MSI2: variants seen among roughly 807,000 people sequenced by gnomAD.
The protein encoded by MSI2 is musashi RNA binding protein 2, also known as RNA-binding protein Musashi homolog 2.
Under a neutral mutation model 45.6 loss-of-function variants are expected in MSI2, and 17 were observed. The observed-to-expected ratio is 0.37, with a 90% CI of 0.26 to 0.56. MSI2 has a LOEUF of 0.56. Ranked by LOEUF, MSI2 falls within the 20% of genes least tolerant of loss-of-function variation. The probability of loss-of-function intolerance (pLI) is 0.77; values close to 1 mark genes in which losing one functional copy is unlikely to be tolerated. For synonymous variants in MSI2, 156 were observed against 158.2 expected (o/e 0.99, Z 0.11); for missense variants, 293 against 444.2 (o/e 0.66, Z 3.06).
chr17:57,382,712 C>T (rs1425071842), intron 5 of MSI2, among the ~76,000 whole-genome samples: 8 of 152,190 alleles, frequency 5.3e-5, no homozygotes. Flanking sequence ...GACAGTGGTC[C>T]CAGTTATTAC....
At chr17:57,525,367 C>T (rs989296223) in intron 6 of MSI2, among the ~76,000 whole-genome samples, 4 of 152,162 alleles carry the variant, frequency 2.6e-5, no homozygotes, top group Non-Finnish European at 5.9e-5. Context: ...TCACTACAGC[C>T]TCAACCTCCC....
chr17:57,522,020 C>G (rs763720761), intron 6 of MSI2, among the ~76,000 whole-genome samples: 1 of 152,304 alleles, frequency 6.6e-6, no homozygotes, highest in Non-Finnish European at 1.5e-5. Context: ...ACGGAAGGAA[C>G]CGATTTGGGT....
chr17:57,302,826 C>A (rs2143548862), intron 5 of MSI2, among the ~76,000 whole-genome samples: 1 of 152,308 alleles, frequency 6.6e-6, no homozygotes, highest in Non-Finnish European at 1.5e-5. Context: ...AATGGGACTT[C>A]AGGCAGAGTC....
intron 6 of MSI2, among the ~76,000 whole-genome samples, chr17:57,465,177 A>G (rs1461868071): frequency 1.3e-5 from 2 of 152,184 alleles, no homozygotes; most frequent in Non-Finnish European, 2.9e-5. Context: ...AAATTAAAGC[A>G]CAGGCCGGGT....
chr17:57,439,175 C>T (rs1213803254), intron 6 of MSI2, among the ~76,000 whole-genome samples: 1 of 152,166 alleles, frequency 6.6e-6, no homozygotes, highest in African/African-American at 2.4e-5. Context: ...ATTTAAGGCA[C>T]ATTTCTCCGT....
intron 5 of MSI2, among the ~76,000 whole-genome samples, chr17:57,313,408 C>A (rs1156725947): frequency 2.6e-5 from 4 of 152,200 alleles, no homozygotes; most frequent in African/African-American, 4.8e-5. Context: ...CTTTCCCTTC[C>A]TGGTTTTGAA....
chr17:57,466,557 C>T lies in MSI2; in HGVS notation c.406-63119C>T, dbSNP rs139915234. 3.5e-3 allele frequency among the ~76,000 whole-genome samples: 537 copies of T among 152,242 alleles called. 3 individuals are homozygous for T. Among genetic ancestry groups the T allele is most frequent in the Non-Finnish European group, 6.5e-3 (440 of 68,024 alleles). ...TTTTTTCCTCTCTCCCTCCCCCTGC[C>T]ACCCACCCCACCATAAAATATAATC... On this transcript the variant is annotated intron_variant, in intron 6 of 13. Transcript: ENST00000284073.
At chr17:57,632,623 G>T in intron 10 of MSI2, 1 of 1,066,142 alleles carries the variant, frequency 9.4e-7, no homozygotes, top group East Asian at 5.0e-5. Context: ...CCATCTCAAG[G>T]TTGGCACTCC....
intron 5 of MSI2, among the ~76,000 whole-genome samples, chr17:57,397,139 C>T (rs1170108889): frequency 6.6e-6 from 1 of 152,116 alleles, no homozygotes; most frequent in Non-Finnish European, 1.5e-5. Flanking sequence ...CTTCCCTGTA[C>T]CCTGTATGGG....
intron 13 of MSI2, 101 bp downstream of exon 13, chr17:57,677,160 C>G (rs940253761): frequency 2.1e-5 from 17 of 808,270 alleles, no homozygotes; most frequent in Admixed American, 5.5e-5. Flanking sequence ...TCATCACATC[C>G]ACATCTCTCT....
chr17:57,571,129 C>T (rs752590957), intron 7 of MSI2, among the ~76,000 whole-genome samples: 1 of 152,226 alleles, frequency 6.6e-6, no homozygotes, highest in Middle Eastern at 3.2e-3. Context: ...AGTTTCATTT[C>T]TGGAGCTGTG....
At position 57,616,042 on chromosome 17, in the gene MSI2, C is replaced by T. The variant is rs1345769429; in HGVS notation, c.610C>T (p.Pro204Ser). 1.2e-6 allele frequency: 2 copies of T among 1,614,022 alleles called. No homozygotes were observed. The highest frequency in any genetic ancestry group is 2.2e-5 in the East Asian group (1 of 44,884). Residue 204 changes from proline to serine, a missense_variant, in exon 9 of 14, where the codon CCT becomes TCT. Pro to Ser is a moderately conservative substitution (Grantham distance 74, BLOSUM62 -1). Coordinates refer to ENST00000284073, the MANE Select transcript of MSI2 (RefSeq NM_138962.4). ...GACAAGAGGCCGGGCCCGGGGACTGCCTTACACCATGGACGCGTTCATGCT... is the reference window on the plus strand; with the variant it reads ...GACAAGAGGCCGGGCCCGGGGACTGTCTTACACCATGGACGCGTTCATGCT... Reference protein sequence around the residue: ...PGTRGRARGLPYTMDAFMLGM... With the variant: ...PGTRGRARGLSYTMDAFMLGM...
rs748391091 is a variant in MSI2, at chr17:57,280,194, C to T, written c.312+18002C>T. Reference sequence around the variant, plus strand: ...AGGGGGACAGGCGAGGTCACACTTGCGTTGGCGGGGATAAAAATTCTTATC... The same window carrying T: ...AGGGGGACAGGCGAGGTCACACTTGTGTTGGCGGGGATAAAAATTCTTATC... On this transcript the variant is annotated intron_variant, in intron 5 of 13. Transcript: ENST00000284073. This position sits in a 1 kb window ranked among gnomAD's most constrained non-coding sequence, Gnocchi z 4.2. 1.3e-5 allele frequency among the ~76,000 whole-genome samples: 2 copies of T among 152,078 alleles called. No individual in the cohort carries two copies. The highest frequency in any genetic ancestry group is 1.3e-4 in the Admixed American group (2 of 15,272).
chr17:57,423,651 A>G (rs2084437158), intron 6 of MSI2, among the ~76,000 whole-genome samples: 1 of 152,088 alleles, frequency 6.6e-6, no homozygotes, highest in African/African-American at 2.4e-5. Flanking sequence ...ATGCCTGTTG[A>G]TTTGTCATCT....
At chr17:57,470,291 T>TA (rs2085409630) in intron 6 of MSI2, among the ~76,000 whole-genome samples, 1 of 142,990 alleles carries the variant, frequency 7.0e-6, no homozygotes, top group Non-Finnish European at 1.6e-5. Context: ...TTTATTTATT[T>TA]TTTTGAGATG....
intron 5 of MSI2, among the ~76,000 whole-genome samples, chr17:57,281,015 T>C (rs1369902182): frequency 2.6e-5 from 4 of 151,866 alleles, no homozygotes; most frequent in Non-Finnish European, 5.9e-5. Flanking sequence ...AAGGAGGAGG[T>C]GCTCTTGCAG....
chr17:57,286,448 C>G (rs1235748446), intron 5 of MSI2, among the ~76,000 whole-genome samples: 1 of 152,130 alleles, frequency 6.6e-6, no homozygotes, highest in African/African-American at 2.4e-5. Context: ...TGCTCATCAT[C>G]GAGTCCTGGC....
At chr17:57,628,601 G>A (rs575890470) in intron 10 of MSI2, 2 of 152,580 alleles carry the variant, frequency 1.3e-5, no homozygotes, top group African/African-American at 2.4e-5. Flanking sequence ...GGGGGTCTAC[G>A]AGGAATGGTC....
chr17:57,478,546 G>A (rs2143733356), intron 6 of MSI2, among the ~76,000 whole-genome samples: 2 of 152,314 alleles, frequency 1.3e-5, no homozygotes, highest in East Asian at 3.9e-4. Context: ...AAGTGACATA[G>A]ACAGATTACC....
Sources: allele counts gnomAD v4.1 joint callset (sites outside exome capture counted in the v4.1 genomes callset), GRCh38; gene constraint gnomAD v4.1.1; non-coding constraint Gnocchi (gnomAD v3.1); transcripts MANE v1.5; gene names NCBI Gene and HGNC (gene_info 2026-07-23, HGNC 2026-07-21).